Variants in IGSF21 observed in about 807,000 individuals in gnomAD.
IGSF21 encodes the protein immunoglobin superfamily member 21, also known as immunoglobulin superfamily member 21.
Under a neutral mutation model 46.8 loss-of-function variants are expected in IGSF21, and 28 were observed. That is an observed-to-expected ratio of 0.60 (90% CI 0.44 to 0.82). IGSF21 has a LOEUF of 0.82. Among genes scored for constraint, IGSF21 ranks in the 40% least tolerant of loss-of-function variants. The probability of loss-of-function intolerance (pLI) is 0.00; values close to 1 mark genes in which losing one functional copy is unlikely to be tolerated. For missense variants in IGSF21, 624 were observed against 665.5 expected (o/e 0.94, Z 0.69); for synonymous variants, 284 against 273.6 (o/e 1.04, Z -0.38).
chr1:18,288,737 C>T lies in IGSF21; in HGVS notation c.184-3129C>T, dbSNP rs148243804. 4.8e-4 allele frequency among the ~76,000 whole-genome samples: 73 copies of T among 152,340 alleles called. 1 individual carries two copies. In the East Asian group the frequency reaches 0.011, roughly 23 times the overall value. ...GTGTCTGAGCCTCCCATTTCCTTTG[C>T]CTTCCGAGAGGCTGAGGGAGGAAGG... On this transcript the variant is annotated intron_variant, in intron 2 of 9. Transcript: ENST00000251296.
chr1:18,287,427 A>T (rs949466070), intron 2 of IGSF21, among the ~76,000 whole-genome samples: 6 of 152,056 alleles, frequency 3.9e-5, no homozygotes, highest in African/African-American at 1.4e-4. Context: ...AACAAAAAAA[A>T]AATCCACCCA....
chr1:18,359,383 A>AAAGAAAGGAAGGAAGG (rs1557659626), intron 4 of IGSF21, among the ~76,000 whole-genome samples: 17 of 61,100 alleles, frequency 2.8e-4, no homozygotes, highest in Admixed American at 1.1e-3. Flanking sequence ...AGAAAGAAAG[A>AAAGAAAGGAAGGAAGG]AAGGAAGGAA....
intron 2 of IGSF21, among the ~76,000 whole-genome samples, chr1:18,234,870 C>G (rs548610748): frequency 6.6e-6 from 1 of 152,130 alleles, no homozygotes; most frequent in Non-Finnish European, 1.5e-5. Context: ...CACCCCTAAC[C>G]ACAGCTGTTA....
intron 3 of IGSF21, among the ~76,000 whole-genome samples, chr1:18,328,162 G>A (rs1315872863): frequency 6.6e-6 from 1 of 152,202 alleles, no homozygotes; most frequent in Non-Finnish European, 1.5e-5. Flanking sequence ...CTTATGATGG[G>A]ATTACGTCCC....
At chr1:18,301,258 C>T (rs1187712398) in intron 3 of IGSF21, among the ~76,000 whole-genome samples, 1 of 152,206 alleles carries the variant, frequency 6.6e-6, no homozygotes, top group Admixed American at 6.5e-5. Flanking sequence ...GGAGCCAGGT[C>T]CACTTGTGGG....
intron 4 of IGSF21, among the ~76,000 whole-genome samples, chr1:18,339,277 C>G (rs1044596969): frequency 2.6e-5 from 4 of 152,188 alleles, no homozygotes; most frequent in Admixed American, 6.5e-5. Flanking sequence ...CTGCCTGAGC[C>G]CAGAGCACGT....
chr1:18,274,489 G>C (rs1057091131), intron 2 of IGSF21, among the ~76,000 whole-genome samples: 1 of 152,244 alleles, frequency 6.6e-6, no homozygotes, highest in Non-Finnish European at 1.5e-5. Flanking sequence ...TGGCCCATTG[G>C]CCAAATCTGG....
chr1:18,341,613 G>A (rs1569845672), intron 4 of IGSF21, among the ~76,000 whole-genome samples: 1 of 152,168 alleles, frequency 6.6e-6, no homozygotes, highest in Non-Finnish European at 1.5e-5. Context: ...TCTGCAAGGT[G>A]AGTACTATCA....
At chr1:18,346,158 G>T (rs2085891340) in intron 4 of IGSF21, among the ~76,000 whole-genome samples, 1 of 152,158 alleles carries the variant, frequency 6.6e-6, no homozygotes, top group Admixed American at 6.5e-5. Context: ...ACTATGAGAA[G>T]TGACAATGGC....
chr1:18,179,818 AT>A (rs2086839406), intron 1 of IGSF21, among the ~76,000 whole-genome samples: 1 of 152,192 alleles, frequency 6.6e-6, no homozygotes, highest in East Asian at 1.9e-4. Flanking sequence ...AGAATCATCA[AT>A]TTCTATGAAT....
intron 4 of IGSF21, among the ~76,000 whole-genome samples, chr1:18,359,973 G>A (rs186912065): frequency 9.8e-5 from 15 of 152,290 alleles, no homozygotes; most frequent in African/African-American, 2.9e-4. Flanking sequence ...TACTGGCACC[G>A]TGAGTGAGTC....
At chr1:18,286,722 G>T (rs534661628) in intron 2 of IGSF21, among the ~76,000 whole-genome samples, 2 of 152,266 alleles carry the variant, frequency 1.3e-5, no homozygotes, top group South Asian at 4.1e-4. Flanking sequence ...AGTCTGTATC[G>T]CAGAGCAGCA....
At chr1:18,306,734 G>A (rs1010817818) in intron 3 of IGSF21, among the ~76,000 whole-genome samples, 3 of 152,256 alleles carry the variant, frequency 2.0e-5, no homozygotes, top group Non-Finnish European at 4.4e-5. Flanking sequence ...CTGTGACAGA[G>A]CCATAGGGTG....
chr1:18,205,140 G>GGA (rs140828822), intron 1 of IGSF21, among the ~76,000 whole-genome samples: 230 of 149,706 alleles, frequency 1.5e-3, no homozygotes, highest in African/African-American at 2.6e-3. Context: ...GATAAGAAGG[G>GGA]GAGAGAGAGA....
intron 1 of IGSF21, among the ~76,000 whole-genome samples, chr1:18,186,493 G>A (rs2086904188): frequency 6.6e-6 from 1 of 152,166 alleles, no homozygotes; most frequent in South Asian, 2.1e-4. Context: ...AGCACTTGGA[G>A]TGACCCAATC....
intron 4 of IGSF21, among the ~76,000 whole-genome samples, chr1:18,355,559 A>G (rs1453615539): frequency 6.6e-6 from 1 of 152,132 alleles, no homozygotes; most frequent in Admixed American, 6.5e-5. Context: ...CCGATGCTAG[A>G]AAAAATTATT....
At chr1:18,195,665 T>A (rs2086999552) in intron 1 of IGSF21, among the ~76,000 whole-genome samples, 1 of 152,174 alleles carries the variant, frequency 6.6e-6, no homozygotes, top group South Asian at 2.1e-4. Context: ...CAGGGCTTGC[T>A]CTTTTCTCCT....
At chr1:18,115,850 A>AAAGAAAGT in intron 1 of IGSF21, 1 of 76,592 alleles carries the variant, frequency 1.3e-5, no homozygotes, top group Non-Finnish European at 2.7e-5. Context: ...AGGAAGAAAG[A>AAAGAAAGT]AAGAAAGAAA....
At chr1:18,202,172 C>T (rs1472349936) in intron 1 of IGSF21, among the ~76,000 whole-genome samples, 3 of 152,178 alleles carry the variant, frequency 2.0e-5, no homozygotes, top group Non-Finnish European at 2.9e-5. Flanking sequence ...CAATTTTCCC[C>T]TGATGAGAAT....
Sources: gnomAD v4.1 joint callset for allele counts (sites outside exome capture counted in the v4.1 genomes callset) on GRCh38, gnomAD v4.1.1 for gene constraint, MANE v1.5 for transcripts, NCBI Gene and HGNC (gene_info 2026-07-23, HGNC 2026-07-21) for gene names.